Variants in HNRNPR observed in about 807,000 individuals in gnomAD.
HNRNPR encodes heterogeneous nuclear ribonucleoprotein R.
Under a neutral mutation model 70.3 loss-of-function variants are expected in HNRNPR, and 4 were observed. The ratio of observed to expected loss-of-function variants is 0.06; its 90% CI spans 0.03 to 0.13. HNRNPR has a LOEUF of 0.13. Among genes scored for constraint, HNRNPR ranks in the 10% least tolerant of loss-of-function variants. HNRNPR has a pLI of 1.00. For missense variants in HNRNPR, 423 were observed against 788.5 expected, an observed-to-expected ratio of 0.54 and a Z score of 5.55; for synonymous variants, 241 against 267.6, an observed-to-expected ratio of 0.90 and a Z score of 0.97.
chr1:23,331,809 C>T (rs56106305), intron 5 of HNRNPR, among the ~76,000 whole-genome samples: 2 of 116,880 alleles, frequency 1.7e-5, no homozygotes, highest in Non-Finnish European at 3.3e-5. Context: ...AAACTCCAGT[C>T]TGGGTGACAG....
chr1:23,343,177 G>T (rs1646768951), intron 1 of HNRNPR, among the ~76,000 whole-genome samples: 1 of 152,058 alleles, frequency 6.6e-6, no homozygotes, highest in Non-Finnish European at 1.5e-5. Context: ...GGAGTCATTT[G>T]ATCTAAACAT....
At chr1:23,311,561 A>G (rs1436484630) in intron 9 of HNRNPR, 3 of 324,228 alleles carry the variant, frequency 9.3e-6, no homozygotes, top group South Asian at 4.5e-5. Flanking sequence ...CGACCACCTG[A>G]TATTATATTT....
Position 23,329,328 on chromosome 1 carries a change from A to G in HNRNPR, c.498+4190T>C, listed in dbSNP as rs74820983. On this transcript the variant is annotated intron_variant, in intron 5 of 10. Transcript: ENST00000302271. Reference sequence around the variant, plus strand: ...TAAAGTTTTCAAAAACTAATTCAGCACTGTTCCTTTTAAAGTTTTTAAGCT... The same window carrying G: ...TAAAGTTTTCAAAAACTAATTCAGCGCTGTTCCTTTTAAAGTTTTTAAGCT... 8.5e-3 allele frequency among the ~76,000 whole-genome samples: 1,292 copies of G among 152,344 alleles called. 20 individuals are homozygous for G. The highest frequency in any genetic ancestry group is 0.03 in the African/African-American group (1,229 of 41,570).
At chr1:23,335,289 A>G (rs1027481399) in intron 4 of HNRNPR, among the ~76,000 whole-genome samples, 2 of 152,218 alleles carry the variant, frequency 1.3e-5, no homozygotes, top group Non-Finnish European at 2.9e-5. Context: ...GAACACTAGG[A>G]TTTCACAGGG....
intron 1 of HNRNPR, among the ~76,000 whole-genome samples, chr1:23,342,884 C>G (rs1343351506): frequency 6.6e-6 from 1 of 152,070 alleles, no homozygotes; most frequent in Non-Finnish European, 1.5e-5. Flanking sequence ...TTATGCCTAC[C>G]ATTTCATTGC....
chr1:23,337,994 C>T (rs1029235035), intron 3 of HNRNPR, 133 bp from the exon 4 acceptor site: 2 of 643,378 alleles, frequency 3.1e-6, no homozygotes, highest in South Asian at 1.9e-5. Context: ...AAGTATTTGC[C>T]GAGTGGTTAC....
chr1:23,328,720 G>A (rs542885115), intron 5 of HNRNPR, among the ~76,000 whole-genome samples: 26 of 152,270 alleles, frequency 1.7e-4, no homozygotes, highest in Admixed American at 1.5e-3. Context: ...GGCTGGTCTC[G>A]AACTCCTGAC....
At chr1:23,334,606 A>G (rs990108256) in intron 4 of HNRNPR, among the ~76,000 whole-genome samples, 17 of 152,148 alleles carry the variant, frequency 1.1e-4, no homozygotes, top group Non-Finnish European at 2.5e-4. Flanking sequence ...CTCCTGCCAT[A>G]TCATAAGCTC....
intron 4 of HNRNPR, among the ~76,000 whole-genome samples, chr1:23,334,077 C>A (rs1027137111): frequency 2.6e-5 from 4 of 151,978 alleles, no homozygotes; most frequent in African/African-American, 9.7e-5. Context: ...CCACGCCCAG[C>A]TAATTTTTGT....
At chr1:23,321,282 A>G (rs1055893828) in intron 7 of HNRNPR, among the ~76,000 whole-genome samples, 6 of 152,190 alleles carry the variant, frequency 3.9e-5, no homozygotes, top group Non-Finnish European at 8.8e-5. Context: ...TGAGGGCTAT[A>G]GAGCAAAAGC....
At chr1:23,335,982 T>G (rs892571710) in intron 4 of HNRNPR, among the ~76,000 whole-genome samples, 5 of 148,462 alleles carry the variant, frequency 3.4e-5, no homozygotes, top group African/African-American at 1.2e-4. Flanking sequence ...CCGGGCGTAG[T>G]GGCGGGCGCC....
Position 23,318,584 on chromosome 1 carries a change from T to G in HNRNPR, c.916A>C (p.Arg306=). 1 of 1,614,212 alleles carries G rather than the reference T, an allele frequency of 6.2e-7. No homozygotes were observed. Among genetic ancestry groups the G allele is most frequent in the Non-Finnish European group, 8.5e-7 (1 of 1,180,012 alleles). The change falls in exon 8 of 11, where the codon AGA becomes CGA. Residue 306 remains arginine (R), a synonymous_variant. Coordinates refer to ENST00000302271, the MANE Select transcript of HNRNPR (RefSeq NM_005826.5). This position sits in a 1 kb window ranked among gnomAD's most constrained non-coding sequence, Gnocchi z 4.2. ...ACTTTTCCACTCATCAGCCGGCGTC[T>G]GGCTTGTGCTGCTGACTTGTGATCC... The part of the protein sequence containing the change: ...YEDHKSAAQA[R]RRLMSGKVKV...
chr1:23,320,774 G>C (rs959285229), intron 7 of HNRNPR, among the ~76,000 whole-genome samples: 1 of 152,138 alleles, frequency 6.6e-6, no homozygotes, highest in Non-Finnish European at 1.5e-5. Flanking sequence ...TAAAAGTACA[G>C]TTTTGTTAAA....
chr1:23,328,123 A>G (rs573992663), intron 5 of HNRNPR, among the ~76,000 whole-genome samples: 1 of 152,234 alleles, frequency 6.6e-6, no homozygotes, highest in Non-Finnish European at 1.5e-5. Flanking sequence ...AGAACAGCAC[A>G]CAGGCCAATG....
chr1:23,320,667 C>T (rs1409306953), intron 7 of HNRNPR, among the ~76,000 whole-genome samples: 5 of 152,078 alleles, frequency 3.3e-5, no homozygotes, highest in African/African-American at 4.8e-5. Context: ...AGCGGTCTAA[C>T]GCAGTGTTTT....
At chr1:23,334,102 T>C (rs953787845) in intron 4 of HNRNPR, among the ~76,000 whole-genome samples, 6 of 151,768 alleles carry the variant, frequency 4.0e-5, no homozygotes, top group African/African-American at 1.2e-4. Flanking sequence ...TTAGTAGAGA[T>C]GGGGTTTCAC....
At chr1:23,341,452 T>C (rs1486158976) in intron 1 of HNRNPR, among the ~76,000 whole-genome samples, 1 of 152,158 alleles carries the variant, frequency 6.6e-6, no homozygotes, top group Admixed American at 6.5e-5. Flanking sequence ...TTAAGGACTT[T>C]CAAATTTTCC....
chr1:23,342,403 A>C (rs988672229), intron 1 of HNRNPR, among the ~76,000 whole-genome samples: 26 of 152,202 alleles, frequency 1.7e-4, no homozygotes, highest in African/African-American at 6.3e-4. Context: ...GACTCCTCAC[A>C]ATTACAAAAC....
chr1:23,329,437 G>A (rs1646129750), intron 5 of HNRNPR, among the ~76,000 whole-genome samples: 1 of 152,192 alleles, frequency 6.6e-6, no homozygotes, highest in South Asian at 2.1e-4. Context: ...ATCCATGTGA[G>A]CCCTTTCAGA....
Sources: gnomAD v4.1 joint callset for allele counts (sites outside exome capture counted in the v4.1 genomes callset) on GRCh38, gnomAD v4.1.1 for gene constraint, Gnocchi (gnomAD v3.1) non-coding constraint, MANE v1.5 for transcripts, NCBI Gene and HGNC (gene_info 2026-07-23, HGNC 2026-07-21) for gene names.